BTAF1: variants seen among roughly 807,000 people sequenced by gnomAD.
BTAF1 encodes B-TFIID TATA-box binding protein associated factor 1, also known as TATA-binding protein-associated factor 172.
BTAF1 carries 38 observed loss-of-function variants against 227.1 expected under a neutral mutation model. The observed-to-expected ratio is 0.17, with a 90% CI of 0.13 to 0.22. The LOEUF (loss-of-function observed/expected upper bound fraction) is 0.22, where lower values mean the gene tolerates loss of function less well. Among genes scored for constraint, BTAF1 ranks in the 10% least tolerant of loss-of-function variants. BTAF1 has a pLI of 1.00. For synonymous variants in BTAF1, 742 were observed against 751.9 expected (o/e 0.99, Z 0.21); for missense variants, 1,598 against 2,204.0 (o/e 0.73, Z 5.51).
intron 32 of BTAF1, among the ~76,000 whole-genome samples, chr10:92,015,616 A>G (rs833372): frequency 0.31 from 45,933 of 150,526 alleles, 8,523 homozygotes; most frequent in South Asian, 0.52. Context: ...AAAAGATGTC[A>G]TGTGAAAAAA....
intron 14 of BTAF1, 123 bp downstream of exon 14, chr10:91,966,880 T>G: frequency 1.2e-6 from 1 of 828,298 alleles, no homozygotes; most frequent in Non-Finnish European, 1.8e-6. Flanking sequence ...CCTAGTGGTA[T>G]GGTAACCATG....
At chr10:91,973,559 T>A (rs527866207) in intron 14 of BTAF1, among the ~76,000 whole-genome samples, 37 of 152,180 alleles carry the variant, frequency 2.4e-4, no homozygotes, top group Non-Finnish European at 4.4e-4. Context: ...TTACATGAGG[T>A]GGCTACTGCC....
intron 34 of BTAF1, among the ~76,000 whole-genome samples, chr10:92,019,206 C>T (rs1414052263): frequency 6.6e-6 from 1 of 152,150 alleles, no homozygotes; most frequent in African/African-American, 2.4e-5. Context: ...ATTTCCACCA[C>T]CCAAACAGAA....
rs1304148289 is a variant in BTAF1 at position 91,981,761 on chromosome 10, A to G, written c.1874A>G (p.Asn625Ser). ...CCTTCTCATTTACCTATCGATTTAAATATGTTGCTAGAAGTAAAAGCTAGA... is the reference window on the plus strand; with the variant it reads ...CCTTCTCATTTACCTATCGATTTAAGTATGTTGCTAGAAGTAAAAGCTAGA... ...MQPSHLPIDLNMLLEVKARAK... is the reference protein window; with the variant it reads ...MQPSHLPIDLSMLLEVKARAK... Residue 625 changes from asparagine to serine, a missense_variant, in exon 16 of 38, where the codon AAT becomes AGT. Coordinates refer to ENST00000265990, the MANE Select transcript of BTAF1 (RefSeq NM_003972.3). 6 of 1,613,530 alleles carry G rather than the reference A, an allele frequency of 3.7e-6. No homozygotes were observed. The highest frequency in any genetic ancestry group is 1.3e-5 in the African/African-American group (1 of 74,880).
At position 91,992,252 on chromosome 10, in the gene BTAF1, T is replaced by A. The variant is rs757083712; in HGVS notation, c.2988T>A (p.Ala996=). Residue 996 remains alanine, a synonymous_variant, in exon 21 of 38, where the codon GCT becomes GCA. Transcript: ENST00000265990. ...GTCCTACCCCCAAAGCAGTAAAAGC[T>A]CAAATAGCAGATCTTCCTGCAGGAA... The part of the protein sequence containing the change: ...RRGPTPKAVK[A]QIADLPAGSS... 2.5e-6 allele frequency: 4 copies of A among 1,613,084 alleles called. No homozygotes were observed. The highest frequency in any genetic ancestry group is 2.5e-6 in the Non-Finnish European group (3 of 1,179,886).
At chr10:91,999,300 C>T (rs540911898) in intron 25 of BTAF1, among the ~76,000 whole-genome samples, 37 of 152,136 alleles carry the variant, frequency 2.4e-4, no homozygotes, top group African/African-American at 7.7e-4. Context: ...CTTTGAAAAA[C>T]AGTTTGGTTA....
intron 5 of BTAF1, among the ~76,000 whole-genome samples, chr10:91,952,150 GTGTGTGTGTT>G (rs1260982443): frequency 6.7e-6 from 1 of 148,688 alleles, no homozygotes; most frequent in South Asian, 2.2e-4. Flanking sequence ...GTATATGTGT[GTGTGTGTGTT>G]TGTGTGTGTG....
At chr10:91,990,147 T>G (rs1848641157) in intron 20 of BTAF1, among the ~76,000 whole-genome samples, 4 of 152,160 alleles carry the variant, frequency 2.6e-5, no homozygotes, top group Middle Eastern at 3.2e-3. Context: ...CAGTGTTTTA[T>G]TCATATGACT....
At chr10:91,985,728 A>G (rs1848354842) in intron 19 of BTAF1, among the ~76,000 whole-genome samples, 1 of 152,108 alleles carries the variant, frequency 6.6e-6, no homozygotes, top group Non-Finnish European at 1.5e-5. Flanking sequence ...TATGTTGAAT[A>G]CTTTCTAATT....
chr10:91,982,009 T>C lies in BTAF1; in HGVS notation c.1906-74T>C, dbSNP rs548035785. 11 of 1,486,260 alleles carry C rather than the reference T, an allele frequency of 7.4e-6. No individual in the cohort carries two copies. In the Admixed American group the frequency reaches 9.5e-5, roughly 13 times the overall value. 92.1% of individuals were successfully genotyped at this position (1,486,260 alleles called of 1,614,324 possible). A position where few individuals can be genotyped will look rare whatever the true frequency, so the allele number is the denominator to read the frequency against. On this transcript the variant is annotated intron_variant, in intron 16 of 37. Coordinates refer to ENST00000265990, the MANE Select transcript of BTAF1 (RefSeq NM_003972.3). ...TATTTTACTGGGATTATTTTAAAAA[T>C]ATCATATTTTTGTTGTTGCCTATTC...
chr10:91,990,984 C>T (rs1848688774), intron 20 of BTAF1, among the ~76,000 whole-genome samples: 1 of 151,338 alleles, frequency 6.6e-6, no homozygotes, highest in Non-Finnish European at 1.5e-5. Flanking sequence ...CAGTGGCTCA[C>T]GCCTGTAATC....
At chr10:91,973,903 C>CAA (rs566022941) in intron 14 of BTAF1, among the ~76,000 whole-genome samples, 1,333 of 93,182 alleles carry the variant, frequency 0.014, 32 homozygotes, top group South Asian at 0.021. Flanking sequence ...GACTCCGTCT[C>CAA]AAAAAAAAAA....
intron 19 of BTAF1, among the ~76,000 whole-genome samples, chr10:91,987,865 C>T (rs770818902): frequency 1.3e-5 from 2 of 152,142 alleles, no homozygotes; most frequent in Non-Finnish European, 2.9e-5. Flanking sequence ...CTTCTGGGCC[C>T]GAGCTTCTAT....
intron 1 of BTAF1, 52 bp downstream of exon 1, chr10:91,924,142 G>T: frequency 6.3e-7 from 1 of 1,594,744 alleles, no homozygotes; most frequent in Non-Finnish European, 8.5e-7. Context: ...GGAAGGCATG[G>T]TCTCCTCTTA....
chr10:91,929,494 A>G (rs985146482), intron 1 of BTAF1, among the ~76,000 whole-genome samples: 1 of 152,260 alleles, frequency 6.6e-6, no homozygotes, highest in African/African-American at 2.4e-5. Flanking sequence ...ATTGCTACAT[A>G]TAGCAGACCT....
At position 92,013,790 on chromosome 10, in the gene BTAF1, A is replaced by G; in HGVS notation, c.4435A>G (p.Ser1479Gly). The G allele has an allele frequency of 6.2e-7, 1 of 1,614,078 alleles. No homozygotes were observed. Among genetic ancestry groups the G allele is most frequent in the Non-Finnish European group, 8.5e-7 (1 of 1,180,038 alleles). The stretch of plus-strand genomic sequence containing the variant: ...AGCAAGTAGGGATGCTCGAAGCTCC[A>G]GTCGAGAGCAAGAAGCAGGTATGAA... ...ILASRDARSS[S>G]REQEAGVLAM... The change falls in exon 31 of 38, where the codon AGT (serine) becomes GGT (glycine). Residue 1479 changes from serine to glycine, a missense_variant. This residue lies in a region of BTAF1 where 184 missense variants were observed against 341.1 expected (regional missense o/e 0.54). Transcript: ENST00000265990.
chr10:91,979,760 C>T (rs1847945495), intron 14 of BTAF1, among the ~76,000 whole-genome samples: 1 of 152,096 alleles, frequency 6.6e-6, no homozygotes, highest in South Asian at 2.1e-4. Flanking sequence ...TGGTGAAGCA[C>T]TATTTGGTTG....
chr10:91,944,205 G>T (rs531886922), intron 4 of BTAF1, among the ~76,000 whole-genome samples: 1 of 152,086 alleles, frequency 6.6e-6, no homozygotes, highest in Non-Finnish European at 1.5e-5. Flanking sequence ...ATGTAACCAG[G>T]ATTGGGAACT....
intron 25 of BTAF1, among the ~76,000 whole-genome samples, chr10:92,003,018 A>G (rs546915341): frequency 1.3e-5 from 2 of 152,202 alleles, no homozygotes; most frequent in East Asian, 3.9e-4. Context: ...TTAGCTGGGC[A>G]TGGTGGCACG....
Sources: gnomAD v4.1 joint callset for allele counts (sites outside exome capture counted in the v4.1 genomes callset) on GRCh38, gnomAD v4.1.1 for gene constraint, gnomAD v4.1.1 regional missense constraint, MANE v1.5 for transcripts, NCBI Gene and HGNC (gene_info 2026-07-23, HGNC 2026-07-21) for gene names.